The following PDE2A variants were observed in gnomAD, a reference collection of about 807,000 sequenced individuals.
The protein encoded by PDE2A is cGMP-dependent 3',5'-cyclic phosphodiesterase.
PDE2A carries 53 observed loss-of-function variants against 133.6 expected under a neutral mutation model. The ratio of observed to expected loss-of-function variants is 0.40; its 90% CI spans 0.32 to 0.50. PDE2A has a LOEUF of 0.50. Among genes scored for constraint, PDE2A ranks in the 20% least tolerant of loss-of-function variants. The pLI, the probability that PDE2A is intolerant of heterozygous loss-of-function variation, is 0.73. For synonymous variants in PDE2A, 491 were observed against 490.2 expected, an observed-to-expected ratio of 1.00 and a Z score of -0.02; for missense variants, 796 against 1,232.4, an observed-to-expected ratio of 0.65 and a Z score of 5.30.
In PDE2A at chr11:72,593,246, T is replaced by G. The variant is rs572602872; in HGVS notation, c.490-1890A>C. On this transcript the variant is annotated intron_variant, in intron 6 of 30. Transcript: ENST00000334456. ...GACATCCACACACCCACCCTTACAGTGTCCACAGCATCCCCACAGGCACAT... is the reference window on the plus strand; with the variant it reads ...GACATCCACACACCCACCCTTACAGGGTCCACAGCATCCCCACAGGCACAT... Among the ~76,000 whole-genome samples, 226 of 151,998 alleles carry G rather than the reference T, an allele frequency of 1.5e-3. 1 individual carries two copies. Among genetic ancestry groups the G allele is most frequent in the African/African-American group, 5.2e-3 (215 of 41,414 alleles).
At chr11:72,665,924 C>G (rs757907164) in intron 1 of PDE2A, among the ~76,000 whole-genome samples, 1 of 150,670 alleles carries the variant, frequency 6.6e-6, no homozygotes, top group Non-Finnish European at 1.5e-5. Flanking sequence ...AAAAAAAACA[C>G]GAAAAAAAAA....
intron 2 of PDE2A, among the ~76,000 whole-genome samples, chr11:72,609,499 G>A (rs886333017): frequency 9.2e-5 from 14 of 152,164 alleles, no homozygotes; most frequent in Non-Finnish European, 1.9e-4. Flanking sequence ...GCCACCCCTG[G>A]CAACTATAGG....
chr11:72,591,236 C>T, intron 7 of PDE2A, 61 bp downstream of exon 7: 1 of 1,418,224 alleles, frequency 7.1e-7, no homozygotes, highest in Non-Finnish European at 1.0e-6. Flanking sequence ...GCCAGGCCAT[C>T]TTCCCACCAG....
chr11:72,638,522 TG>T (rs985495614), intron 2 of PDE2A, among the ~76,000 whole-genome samples: 8 of 151,980 alleles, frequency 5.3e-5, no homozygotes, highest in African/African-American at 1.9e-4. Context: ...CGCCCCAGAC[TG>T]GGGGAAACAC....
rs770375397 is a variant in PDE2A at position 72,580,966 on chromosome 11, C to T, written c.2053G>A (p.Glu685Lys). Residue 685 changes from glutamate to lysine, a missense_variant, in exon 24 of 31, where the codon GAG (glutamate) becomes AAG (lysine). By Grantham distance (56) the Glu-to-Lys change is moderately conservative (BLOSUM62 1). Transcript: ENST00000334456. ...LELTNYLEDI[E>K]IFALFISCMC... is the part of the protein sequence containing the mutation. Reference sequence around the variant, plus strand: ...CAGGAAATAAACAAGGCAAAGATCTCGATGTCCCTGGTTGAGAGGCAGAAA... The same window carrying T: ...CAGGAAATAAACAAGGCAAAGATCTTGATGTCCCTGGTTGAGAGGCAGAAA... 5 of 1,610,326 alleles carry T rather than the reference C, an allele frequency of 3.1e-6. No individual in the cohort carries two copies. The highest frequency in any genetic ancestry group is 2.2e-5 in the South Asian group (2 of 90,974).
At chr11:72,599,849 G>C (rs181619954) in intron 4 of PDE2A, among the ~76,000 whole-genome samples, 28 of 152,310 alleles carry the variant, frequency 1.8e-4, no homozygotes, top group African/African-American at 6.0e-4. Context: ...ACAGACCCAC[G>C]CTTCAGTCGG....
chr11:72,666,160 C>A (rs1855227664), intron 1 of PDE2A, among the ~76,000 whole-genome samples: 1 of 152,140 alleles, frequency 6.6e-6, no homozygotes, highest in Admixed American at 6.5e-5. Context: ...GGTGGCTTCA[C>A]ACCACAGACT....
rs758699983 is a variant in PDE2A at position 72,588,913 on chromosome 11, T to C, written c.941A>G (p.Glu314Gly). The C allele has an allele frequency of 5.0e-6, 8 of 1,600,362 alleles. No individual in the cohort carries two copies. Among genetic ancestry groups the C allele is most frequent in the Non-Finnish European group, 6.0e-6 (7 of 1,169,930 alleles). ...CATGCTCTGCAGCTGTTGTACATCCTCCTGCAAAGGCGAGGCAAGTCAGGG... is the reference window on the plus strand; with the variant it reads ...CATGCTCTGCAGCTGTTGTACATCCCCCTGCAAAGGCGAGGCAAGTCAGGG... ...KSIQLKDLTSEDVQQLQSMLG... is the reference protein window; with the variant it reads ...KSIQLKDLTSGDVQQLQSMLG... The change falls in exon 13 of 31, where the codon GAG becomes GGG. Residue 314 changes from glutamate (E) to glycine (G), a missense_variant and splice_region_variant. Physicochemically the swap from Glu to Gly is moderately conservative, Grantham distance 98. Coordinates refer to ENST00000334456, the MANE Select transcript of PDE2A (RefSeq NM_002599.5).
chr11:72,616,680 C>T (rs990521187), intron 2 of PDE2A, among the ~76,000 whole-genome samples: 1 of 152,234 alleles, frequency 6.6e-6, no homozygotes, highest in African/African-American at 2.4e-5. Flanking sequence ...GTGTCTCCTA[C>T]TGAGAGCCTT....
Position 72,578,404 on chromosome 11 carries a change from G to C in PDE2A, c.2509-65C>G. The C allele has an allele frequency of 3.2e-6, 5 of 1,579,382 alleles. No individual in the cohort carries two copies. The highest frequency in any genetic ancestry group is 4.4e-6 in the Non-Finnish European group (5 of 1,148,494). On this transcript the variant is annotated intron_variant, in intron 29 of 30. Transcript: ENST00000334456. This position sits in a 1 kb window ranked among gnomAD's most constrained non-coding sequence, Gnocchi z 4.2. ...TCCATCGGGTACCAGGGTCAGGCTA[G>C]TTCAAGCCCTCCCTGTCCCAGGCCA...
In PDE2A at chr11:72,589,207, T is replaced by C. The variant is rs1039061116; in HGVS notation, c.907A>G (p.Lys303Glu). Residue 303 changes from lysine (K) to glutamate (E), a missense_variant, in exon 12 of 31, where the codon AAG becomes GAG. Lys to Glu is a moderately conservative substitution (Grantham distance 56, BLOSUM62 1). Around this residue, in one of 7 missense-constraint regions of PDE2A, gnomAD observed 417 missense variants for 475.3 expected, o/e 0.88. Coordinates refer to ENST00000334456, the MANE Select transcript of PDE2A (RefSeq NM_002599.5). ...TGCLGQVVED[K>E]KSIQLKDLTS... ...AGGTCCTTCAGCTGGATGGACTTCT[T>C]GTCTTCCACCACCTGGCCCAGGCAT... 3 of 1,613,780 alleles carry C rather than the reference T, an allele frequency of 1.9e-6. No individual in the cohort carries two copies. The highest frequency in any genetic ancestry group is 2.5e-6 in the Non-Finnish European group (3 of 1,179,914).
chr11:72,674,406 G>C lies in PDE2A; in HGVS notation c.-199C>G, dbSNP rs1412138962. 1.7e-6 allele frequency: 1 copy of C among 573,864 alleles called. No individual in the cohort carries two copies. The highest frequency in any genetic ancestry group is 3.1e-6 in the Non-Finnish European group (1 of 322,574). 35.5% of individuals were successfully genotyped at this position (573,864 alleles called of 1,614,324 possible). ...CGCCTCTCCCGCTGCCACTGCCTCTGCTGCTCGGCTGGCTCTGGGAGGAGG... is the reference window on the plus strand; with the variant it reads ...CGCCTCTCCCGCTGCCACTGCCTCTCCTGCTCGGCTGGCTCTGGGAGGAGG... On this transcript the variant is annotated 5_prime_UTR_variant, in exon 1 of 31. Transcript: ENST00000334456.
Position 72,588,826 on chromosome 11 carries a change from A to T in PDE2A, c.1028T>A (p.Val343Glu). 1 of 1,611,036 alleles carries T rather than the reference A, an allele frequency of 6.2e-7. No individual in the cohort carries two copies. The highest frequency in any genetic ancestry group is 8.5e-7 in the Non-Finnish European group (1 of 1,177,726). The change falls in exon 13 of 31, where the codon GTG (valine) becomes GAG (glutamate). Residue 343 changes from valine (V) to glutamate (E), a missense_variant. This residue lies in a region of PDE2A where 417 missense variants were observed against 475.3 expected (regional missense o/e 0.88). Transcript: ENST00000334456. ...GTTGAAGGCGCAGGCCAAGGCCACC[A>T]CCTGGTCAGTGGCCCGGCTGATGAC... is the stretch of plus-strand genomic sequence containing the variant. ...VPVISRATDQ[V>E]VALACAFNKL...
rs530824840 is a variant in PDE2A at position 72,577,084 on chromosome 11, C to T, written c.*300G>A. On this transcript the variant is annotated 3_prime_UTR_variant, in exon 31 of 31. Transcript: ENST00000334456. ...AGGAGAAACCATCAAGCTGCTCAGA[C>T]AAAGAATGGCTTGGGAAAGACTTGC... The T allele has an allele frequency of 5.8e-5, 20 of 342,894 alleles. No individual in the cohort carries two copies. The highest frequency in any genetic ancestry group is 7.8e-4 in the Middle Eastern group (1 of 1,288). 21.2% of individuals were successfully genotyped at this position (342,894 alleles called of 1,614,324 possible). A position where few individuals can be genotyped will look rare whatever the true frequency, so the allele number is the denominator to read the frequency against.
chr11:72,591,022 G>A (rs951129123), intron 7 of PDE2A: 6 of 447,642 alleles, frequency 1.3e-5, no homozygotes, highest in African/African-American at 4.0e-5. Context: ...TCAAAAAGTC[G>A]AAAATTGTAA....
Position 72,582,429 on chromosome 11 carries a change from A to T in PDE2A, c.1851+15T>A. On this transcript the variant is annotated intron_variant, in intron 21 of 30. Coordinates refer to ENST00000334456, the MANE Select transcript of PDE2A (RefSeq NM_002599.5). ...ACCTTCGGCCTGGCCAGTCAAGTGG[A>T]GGAGAGCAACTCACCATGGACGTGT... 1.4e-5 allele frequency: 22 copies of T among 1,612,700 alleles called. No individual in the cohort carries two copies. Among genetic ancestry groups the T allele is most frequent in the Non-Finnish European group, 1.8e-5 (21 of 1,179,290 alleles).
chr11:72,576,960 A>G lies in PDE2A; in HGVS notation c.*424T>C, dbSNP rs1428318422. 5.2e-6 allele frequency: 1 copy of G among 191,120 alleles called. No individual in the cohort carries two copies. The highest frequency in any genetic ancestry group is 1.2e-5 in the Non-Finnish European group (1 of 84,484). The allele number at this position is 191,120 out of a possible 1,614,324, so 11.8% of individuals were successfully genotyped here. A position where few individuals can be genotyped will look rare whatever the true frequency, so the allele number is the denominator to read the frequency against. On this transcript the variant is annotated 3_prime_UTR_variant, in exon 31 of 31. Coordinates refer to ENST00000334456, the MANE Select transcript of PDE2A (RefSeq NM_002599.5). ...AAGATGCCACACTCTGCTCACTCAG[A>G]TGTCTCACCTTCCCCTTCCATGAGG...
intron 14 of PDE2A, 28 bp from the exon 15 acceptor site, chr11:72,585,621 G>A (rs762067015): frequency 1.2e-6 from 2 of 1,610,794 alleles, no homozygotes; most frequent in Non-Finnish European, 1.7e-6. Flanking sequence ...GAGATCATAG[G>A]GGGGTCGGGG....
At chr11:72,654,010 TG>T (rs1490222243) in intron 1 of PDE2A, among the ~76,000 whole-genome samples, 1 of 152,198 alleles carries the variant, frequency 6.6e-6, no homozygotes, top group African/African-American at 2.4e-5. Context: ...TAGTTGCCCA[TG>T]GGGGCTCAGT....
Sources: allele counts gnomAD v4.1 joint callset (sites outside exome capture counted in the v4.1 genomes callset), GRCh38; gene constraint gnomAD v4.1.1; regional missense constraint gnomAD v4.1.1; non-coding constraint Gnocchi (gnomAD v3.1); transcripts MANE v1.5; gene names NCBI Gene and HGNC (gene_info 2026-07-23, HGNC 2026-07-21).